OTOF: variants seen among roughly 807,000 people sequenced by gnomAD.
OTOF encodes otoferlin.
Under a neutral mutation model 236.8 loss-of-function variants are expected in OTOF, and 218 were observed. The observed-to-expected ratio is 0.92, with a 90% CI of 0.82 to 1.03. The LOEUF is 1.03. OTOF is among the 50% of genes least tolerant of loss of function. The pLI is 0.00. For missense variants in OTOF, 2,590 were observed against 2,694.4 expected (o/e 0.96, Z 0.86); for synonymous variants, 1,041 against 1,072.5 (o/e 0.97, Z 0.57).
chr2:26,555,044 C>CAG, intron 1 of OTOF, among the ~76,000 whole-genome samples: 1 of 152,202 alleles, frequency 6.6e-6, no homozygotes, highest in East Asian at 1.9e-4. Context: ...CAGCACTGGA[C>CAG]AGAAGGTTGG....
chr2:26,535,402 G>GCCACCATCTTCCCACGGGGCTC (rs1385936279), intron 2 of OTOF, among the ~76,000 whole-genome samples: 2 of 152,304 alleles, frequency 1.3e-5, no homozygotes, highest in Admixed American at 6.5e-5. Flanking sequence ...TGCTGGGGCT[G>GCCACCATCTTCCCACGGGGCTC]CCACCATCTT....
chr2:26,473,620 G>A lies in OTOF; in HGVS notation c.3409-53C>T. On this transcript the variant is annotated intron_variant, in intron 27 of 46. Coordinates refer to ENST00000272371, the MANE Select transcript of OTOF (RefSeq NM_194248.3). The surrounding 1 kb of genome is among the most constrained non-coding windows in gnomAD (Gnocchi z 7.2). ...AGAAGAGAGCCCCTTAGTCAAGGGA[G>A]CCAGCCATGGGGGTGCTGGACCATC... is the stretch of plus-strand genomic sequence containing the variant. 2 of 1,543,810 alleles carry A rather than the reference G, an allele frequency of 1.3e-6. No homozygotes were observed. Among genetic ancestry groups the A allele is most frequent in the Non-Finnish European group, 1.7e-6 (2 of 1,146,722 alleles).
chr2:26,511,763 G>A (rs906493365), intron 5 of OTOF, among the ~76,000 whole-genome samples: 5 of 152,234 alleles, frequency 3.3e-5, no homozygotes, highest in African/African-American at 9.6e-5. Flanking sequence ...ATCCCAGTGC[G>A]CCCGGCTGCC....
intron 5 of OTOF, among the ~76,000 whole-genome samples, chr2:26,511,932 T>G (rs1322647045): frequency 6.6e-6 from 1 of 152,140 alleles, no homozygotes; most frequent in Non-Finnish European, 1.5e-5. Flanking sequence ...ATGCACACAC[T>G]TCTGCATGCC....
rs373749074 is a variant in OTOF at position 26,495,146 on chromosome 2, G to T, written c.766-73C>A. ...GGAGCCTGGTCCCGCAGGGGTCCAGGGGCTGGGGCAGCAGGGTCAGAGGGA... is the reference window on the plus strand; with the variant it reads ...GGAGCCTGGTCCCGCAGGGGTCCAGTGGCTGGGGCAGCAGGGTCAGAGGGA... On this transcript the variant is annotated intron_variant, in intron 8 of 46. Transcript: ENST00000272371. 43 of 1,571,102 alleles carry T rather than the reference G, an allele frequency of 2.7e-5. No individual in the cohort carries two copies. In the African/African-American group the frequency reaches 3.9e-4, roughly 14 times the overall value.
At chr2:26,514,348 C>A in intron 5 of OTOF, among the ~76,000 whole-genome samples, 1 of 152,244 alleles carries the variant, frequency 6.6e-6, no homozygotes, top group Non-Finnish European at 1.5e-5. Flanking sequence ...CTGGGAGGGG[C>A]CACACGAAGA....
Position 26,460,014 on chromosome 2 carries a change from G to A in OTOF, c.*11C>T. The A allele has an allele frequency of 6.4e-7, 1 of 1,562,640 alleles. No individual in the cohort carries two copies. Among genetic ancestry groups the A allele is most frequent in the Non-Finnish European group, 8.7e-7 (1 of 1,153,496 alleles). Reference sequence around the variant, plus strand: ...GAAGTAAGAAATATCAGACCCAGGAGGCCACTGGGCTCAGGCCCCGAGGAT... The same window carrying A: ...GAAGTAAGAAATATCAGACCCAGGAAGCCACTGGGCTCAGGCCCCGAGGAT... On this transcript the variant is annotated 3_prime_UTR_variant, in exon 46 of 47. Coordinates refer to ENST00000272371, the MANE Select transcript of OTOF (RefSeq NM_194248.3). The surrounding 1 kb of genome is among the most constrained non-coding windows in gnomAD (Gnocchi z 5.3).
chr2:26,535,577 T>C (rs754563328), intron 2 of OTOF, among the ~76,000 whole-genome samples: 98 of 152,302 alleles, frequency 6.4e-4, no homozygotes, highest in Non-Finnish European at 1.2e-3. Flanking sequence ...GGCAGGAGCC[T>C]CTTCTCCCCA....
intron 8 of OTOF, among the ~76,000 whole-genome samples, chr2:26,499,132 C>A (rs1216903468): frequency 6.6e-6 from 1 of 152,114 alleles, no homozygotes; most frequent in Non-Finnish European, 1.5e-5. Context: ...CTTGATCCAC[C>A]AAGAACATCT....
intron 1 of OTOF, among the ~76,000 whole-genome samples, chr2:26,546,982 A>G (rs1281487850): frequency 1.3e-5 from 2 of 152,176 alleles, no homozygotes; most frequent in Non-Finnish European, 2.9e-5. Flanking sequence ...TCCAATCTGT[A>G]GGAGTTGTTT....
At chr2:26,525,552 T>C (rs1666780352) in intron 3 of OTOF, among the ~76,000 whole-genome samples, 1 of 152,252 alleles carries the variant, frequency 6.6e-6, no homozygotes, top group Non-Finnish European at 1.5e-5. Context: ...GGGCAGGGAC[T>C]GTGCCTCAAT....
Position 26,477,431 on chromosome 2 carries a change from G to A in OTOF, c.2391C>T (p.Ser797=). Reference sequence around the variant, plus strand: ...GCGTCCTCACCAGCTCCCTCATGCAGGACTTGAGGCGCTCCCGGTCAAGCC... The same window carrying A: ...GCGTCCTCACCAGCTCCCTCATGCAAGACTTGAGGCGCTCCCGGTCAAGCC... ...RTRLDRERLK[S]CMRELENMGQ... The change falls in exon 20 of 47, where the codon TCC becomes TCT. Residue 797 remains serine (S), a synonymous_variant. Transcript: ENST00000272371. The surrounding 1 kb of genome is among the most constrained non-coding windows in gnomAD (Gnocchi z 4.7). The A allele has an allele frequency of 1.9e-6, 3 of 1,592,824 alleles. No individual in the cohort carries two copies. Among genetic ancestry groups the A allele is most frequent in the Non-Finnish European group, 2.6e-6 (3 of 1,170,132 alleles).
At chr2:26,458,896 G>A (rs1190030246) in intron 46 of OTOF, among the ~76,000 whole-genome samples, 1 of 152,268 alleles carries the variant, frequency 6.6e-6, no homozygotes, top group Admixed American at 6.5e-5. Flanking sequence ...ACACAGAGCC[G>A]GGGCTTGGGT....
intron 15 of OTOF, among the ~76,000 whole-genome samples, chr2:26,480,570 C>T (rs535750274): frequency 5.3e-5 from 8 of 152,306 alleles, no homozygotes; most frequent in African/African-American, 1.9e-4. Flanking sequence ...ACCTGGCGGC[C>T]GTTGTGAGAC....
intron 2 of OTOF, among the ~76,000 whole-genome samples, chr2:26,530,620 C>G (rs535261355): frequency 7.5e-4 from 114 of 152,228 alleles, no homozygotes; most frequent in Non-Finnish European, 5.9e-4. Context: ...TCCACCCACA[C>G]GAGGCTTTCC....
intron 1 of OTOF, among the ~76,000 whole-genome samples, chr2:26,550,677 GTCAC>G (rs1316655739): frequency 1.3e-5 from 2 of 152,244 alleles, no homozygotes; most frequent in African/African-American, 4.8e-5. Flanking sequence ...GCCCTGCCCT[GTCAC>G]TCACTCCCCT....
At position 26,475,879 on chromosome 2, in the gene OTOF, A is replaced by C. The variant is rs1187903494; in HGVS notation, c.2991+35T>G. 7.0e-6 allele frequency: 11 copies of C among 1,576,502 alleles called. No individual in the cohort carries two copies. The East Asian group carries it at 1.4e-4, about 20-fold the overall frequency. The stretch of plus-strand genomic sequence containing the variant: ...AGGCTCACAGGCTTCTGGTGCTCTC[A>C]AAGCCAGAGCCACTCCCTCCTCCCA... On this transcript the variant is annotated intron_variant, in intron 24 of 46. Transcript: ENST00000272371.
intron 1 of OTOF, among the ~76,000 whole-genome samples, chr2:26,546,247 G>T (rs1203197564): frequency 6.6e-6 from 1 of 152,082 alleles, no homozygotes; most frequent in Non-Finnish European, 1.5e-5. Flanking sequence ...GATCACTTGA[G>T]GTCAGGAGTT....
Position 26,464,946 on chromosome 2 carries a change from G to A in OTOF, c.4883C>T (p.Pro1628Leu), listed in dbSNP as rs1330771855. The A allele has an allele frequency of 6.3e-7, 1 of 1,576,692 alleles. No individual in the cohort carries two copies. Among genetic ancestry groups the A allele is most frequent in the Non-Finnish European group, 8.6e-7 (1 of 1,160,646 alleles). Reference protein sequence around the residue: ...RLCKDGKVDGPHFGPPGRVKV... With the variant: ...RLCKDGKVDGLHFGPPGRVKV... Reference sequence around the variant, plus strand: ...CACTCTCCCAGGGGGCCCAAAGTGGGGGCCGTCCACTTTGCCGTCTTTGCA... The same window carrying A: ...CACTCTCCCAGGGGGCCCAAAGTGGAGGCCGTCCACTTTGCCGTCTTTGCA... Residue 1628 changes from proline to leucine, a missense_variant, in exon 39 of 47, where the codon CCC becomes CTC. By Grantham distance (98) the Pro-to-Leu change is moderately conservative (BLOSUM62 -3). Transcript: ENST00000272371.
Sources: allele counts gnomAD v4.1 joint callset (sites outside exome capture counted in the v4.1 genomes callset), GRCh38; gene constraint gnomAD v4.1.1; non-coding constraint Gnocchi (gnomAD v3.1); transcripts MANE v1.5; gene names NCBI Gene and HGNC (gene_info 2026-07-23, HGNC 2026-07-21).